Variants in SHCBP1L observed in about 807,000 individuals in gnomAD.
SHCBP1L encodes the protein SHC binding and spindle associated 1 like, also known as testicular spindle-associated protein SHCBP1L.
Under a neutral mutation model 62.5 loss-of-function variants are expected in SHCBP1L, and 67 were observed. The observed-to-expected ratio is 1.07, with a 90% CI of 0.88 to 1.31. The LOEUF (loss-of-function observed/expected upper bound fraction) is 1.31, where lower values mean the gene tolerates loss of function less well. Among genes scored for constraint, SHCBP1L ranks in the 40% most tolerant of loss-of-function variants. The pLI, the probability that SHCBP1L is intolerant of heterozygous loss-of-function variation, is 0.00. For synonymous variants in SHCBP1L, 284 were observed against 289.4 expected (o/e 0.98, Z 0.19); for missense variants, 823 against 809.8 (o/e 1.02, Z -0.20).
chr1:182,926,657 T>A (rs1364744828), intron 6 of SHCBP1L, among the ~76,000 whole-genome samples: 1 of 151,992 alleles, frequency 6.6e-6, no homozygotes, highest in Non-Finnish European at 1.5e-5. Context: ...TTCTCCAACA[T>A]CACACTATAC....
At chr1:182,947,565 C>G (rs938118263) in intron 2 of SHCBP1L, among the ~76,000 whole-genome samples, 1 of 152,160 alleles carries the variant, frequency 6.6e-6, no homozygotes, top group Non-Finnish European at 1.5e-5. Flanking sequence ...CACTTATATG[C>G]GTATTTTCTT....
intron 5 of SHCBP1L, among the ~76,000 whole-genome samples, chr1:182,937,026 C>T (rs1038345201): frequency 2.6e-5 from 4 of 151,782 alleles, no homozygotes; most frequent in Non-Finnish European, 4.4e-5. Context: ...TGCACTCCAG[C>T]CTGGGTGACA....
Position 182,953,033 on chromosome 1 carries a change from G to C in SHCBP1L, c.101C>G (p.Thr34Arg). ...EKSASAVSGD[T>R]AAATTLKGTA... The stretch of plus-strand genomic sequence containing the variant: ...GCCCTTCAGGGTGGTCGCGGCCGCC[G>C]TGTCCCCGGAGACAGCGGAGGCGGA... The change falls in exon 1 of 10, where the codon ACG (threonine) becomes AGG (arginine). Residue 34 changes from threonine to arginine, a missense_variant. Transcript: ENST00000367547. 6.5e-7 allele frequency: 1 copy of C among 1,543,952 alleles called. No individual in the cohort carries two copies. The highest frequency in any genetic ancestry group is 1.9e-4 in the Middle Eastern group (1 of 5,332).
intron 5 of SHCBP1L, among the ~76,000 whole-genome samples, chr1:182,932,751 T>C (rs1651048633): frequency 6.6e-6 from 1 of 152,174 alleles, no homozygotes; most frequent in Non-Finnish European, 1.5e-5. Flanking sequence ...CACTTCAGCC[T>C]CCCAAAGTGC....
intron 6 of SHCBP1L, among the ~76,000 whole-genome samples, chr1:182,910,330 G>A (rs1650138999): frequency 6.6e-6 from 1 of 152,230 alleles, no homozygotes; most frequent in South Asian, 2.1e-4. Flanking sequence ...CAGCAGCAAT[G>A]GAAATGGCAG....
chr1:182,925,648 AAC>A (rs2101938345), intron 6 of SHCBP1L, among the ~76,000 whole-genome samples: 1 of 152,328 alleles, frequency 6.6e-6, no homozygotes, highest in African/African-American at 2.4e-5. Context: ...CCCTGTGAAA[AAC>A]AGTTTGGCAA....
chr1:182,949,556 G>T (rs1651679546), intron 2 of SHCBP1L, among the ~76,000 whole-genome samples: 1 of 151,910 alleles, frequency 6.6e-6, no homozygotes, highest in African/African-American at 2.4e-5. Flanking sequence ...AATTAGCCGG[G>T]TGTGGTGGTA....
rs1331151366 is a variant in SHCBP1L, at chr1:182,953,123, C to A, written c.11G>T (p.Gly4Val). The A allele has an allele frequency of 6.3e-7, 1 of 1,579,770 alleles. No homozygotes were observed. Among genetic ancestry groups the A allele is most frequent in the East Asian group, 2.3e-5 (1 of 43,960 alleles). Residue 4 changes from glycine to valine, a missense_variant, in exon 1 of 10, where the codon GGC (glycine) becomes GTC (valine). Gly to Val is a moderately radical substitution (Grantham distance 109). Coordinates refer to ENST00000367547, the MANE Select transcript of SHCBP1L (RefSeq NM_030933.4). ...GTCCGCGGGCACCGAGGCCTTGGAG[C>A]CCGACGCCATCTCCTCAGCAGCCCG... MAS[G>V]SKASVPADSF...
chr1:182,915,813 T>A (rs1208446324), intron 6 of SHCBP1L, among the ~76,000 whole-genome samples: 1 of 151,150 alleles, frequency 6.6e-6, no homozygotes, highest in Non-Finnish European at 1.5e-5. Context: ...ATTCTTTTTT[T>A]TTTTTTTTTT....
In SHCBP1L at chr1:182,951,420, T is replaced by C. The variant is rs1017329043; in HGVS notation, c.453A>G (p.Leu151=). Residue 151 remains leucine (L), a synonymous_variant, in exon 2 of 10, where the codon TTA becomes TTG. Coordinates refer to ENST00000367547, the MANE Select transcript of SHCBP1L (RefSeq NM_030933.4). The part of the protein sequence containing the change: ...EVMGKYLSEK[L]KLKDKWLGVW... ...CTCCAAGCCATTTGTCTTTCAACTTTAATTTTTCTGATAGGTATTTACCCA... is the reference window on the plus strand; with the variant it reads ...CTCCAAGCCATTTGTCTTTCAACTTCAATTTTTCTGATAGGTATTTACCCA... 6.2e-7 allele frequency: 1 copy of C among 1,609,078 alleles called. No individual in the cohort carries two copies. Among genetic ancestry groups the C allele is most frequent in the Admixed American group, 1.7e-5 (1 of 59,720 alleles).
chr1:182,920,411 A>G (rs1384475447), intron 6 of SHCBP1L, among the ~76,000 whole-genome samples: 1 of 152,126 alleles, frequency 6.6e-6, no homozygotes, highest in Non-Finnish European at 1.5e-5. Context: ...AAGAATATAA[A>G]AGCAAAAAAA....
At chr1:182,925,010 AAGGAAGGGG>A (rs1390703901) in intron 6 of SHCBP1L, among the ~76,000 whole-genome samples, 50 of 132,504 alleles carry the variant, frequency 3.8e-4, no homozygotes, top group African/African-American at 1.2e-3. Context: ...GGAAGAAAGG[AAGGAAGGGG>A]AGGAAGGGGA....
At chr1:182,919,721 T>C (rs1359817070) in intron 6 of SHCBP1L, among the ~76,000 whole-genome samples, 1 of 152,204 alleles carries the variant, frequency 6.6e-6, no homozygotes, top group East Asian at 1.9e-4. Context: ...AAAACTGGAA[T>C]GGTCGTTCAC....
At chr1:182,937,370 A>T (rs4603092) in intron 5 of SHCBP1L, among the ~76,000 whole-genome samples, 6,080 of 152,148 alleles carry the variant, frequency 0.04, 301 homozygotes, top group African/African-American at 0.11. Flanking sequence ...TTATTTTCAT[A>T]GTTCCTTCTG....
At chr1:182,916,715 TG>T (rs1340008070) in intron 6 of SHCBP1L, among the ~76,000 whole-genome samples, 11 of 152,220 alleles carry the variant, frequency 7.2e-5, no homozygotes, top group African/African-American at 2.6e-4. Flanking sequence ...TGAACAGACC[TG>T]TAACAGTAAA....
At chr1:182,900,858 C>T (rs1372527425) in intron 9 of SHCBP1L, among the ~76,000 whole-genome samples, 1 of 151,766 alleles carries the variant, frequency 6.6e-6, no homozygotes, top group African/African-American at 2.4e-5. Context: ...TATAGCAAGA[C>T]CCTATTCTCC....
intron 2 of SHCBP1L, among the ~76,000 whole-genome samples, chr1:182,940,793 CTAAGAT>C (rs1651337710): frequency 6.6e-6 from 1 of 151,838 alleles, no homozygotes; most frequent in Non-Finnish European, 1.5e-5. Flanking sequence ...TTATTTGTTT[CTAAGAT>C]TGAGTTGCCA....
chr1:182,942,780 C>A (rs1442797434), intron 2 of SHCBP1L, among the ~76,000 whole-genome samples: 1 of 152,102 alleles, frequency 6.6e-6, no homozygotes, highest in Non-Finnish European at 1.5e-5. Context: ...CAATGAAATT[C>A]TTTATTTTTC....
At chr1:182,950,298 A>G (rs999928919) in intron 2 of SHCBP1L, among the ~76,000 whole-genome samples, 7 of 152,296 alleles carry the variant, frequency 4.6e-5, no homozygotes, top group African/African-American at 1.4e-4. Context: ...AGAATCAAAC[A>G]TGCCACAATG....
Sources: gnomAD v4.1 joint callset for allele counts (sites outside exome capture counted in the v4.1 genomes callset) on GRCh38, gnomAD v4.1.1 for gene constraint, MANE v1.5 for transcripts, NCBI Gene and HGNC (gene_info 2026-07-23, HGNC 2026-07-21) for gene names.